AFF3: variants seen among roughly 807,000 people sequenced by gnomAD.
The protein encoded by AFF3 is ALF transcription elongation factor 3.
AFF3 carries 32 observed loss-of-function variants against 129.7 expected under a neutral mutation model. The observed-to-expected ratio is 0.25, with a 90% CI of 0.19 to 0.33. The LOEUF (loss-of-function observed/expected upper bound fraction) is 0.33. Among genes scored for constraint, AFF3 ranks in the 10% least tolerant of loss-of-function variants. The pLI, the probability that AFF3 is intolerant of heterozygous loss-of-function variation, is 1.00. For synonymous variants in AFF3, 644 were observed against 635.4 expected, an observed-to-expected ratio of 1.01 and a Z score of -0.20; for missense variants, 1,373 against 1,592.0, an observed-to-expected ratio of 0.86 and a Z score of 2.34.
chr2:100,009,046 C>T (rs1682259751), intron 4 of AFF3, 114 bp from the exon 5 acceptor site: 21 of 1,387,508 alleles, frequency 1.5e-5, no homozygotes, highest in Non-Finnish European at 1.9e-5. Flanking sequence ...GTGATGACAA[C>T]AAGAACATGG....
chr2:99,922,675 A>G (rs1424161422), intron 7 of AFF3, among the ~76,000 whole-genome samples: 2 of 152,214 alleles, frequency 1.3e-5, no homozygotes, highest in African/African-American at 4.8e-5. Context: ...AAATTTAGTA[A>G]CTGAACACTT....
chr2:99,947,347 GC>G (rs1008850997), intron 7 of AFF3, among the ~76,000 whole-genome samples: 1 of 152,096 alleles, frequency 6.6e-6, no homozygotes, highest in Non-Finnish European at 1.5e-5. Context: ...AGAGGCTCAG[GC>G]AGGAGAATCA....
intron 8 of AFF3, among the ~76,000 whole-genome samples, chr2:99,807,890 T>C (rs1430617149): frequency 2.6e-5 from 4 of 152,140 alleles, no homozygotes; most frequent in African/African-American, 9.7e-5. Flanking sequence ...CTCACTCTGT[T>C]CCTGAATACA....
At chr2:99,921,529 T>C (rs937185168) in intron 7 of AFF3, among the ~76,000 whole-genome samples, 3 of 152,156 alleles carry the variant, frequency 2.0e-5, no homozygotes, top group Non-Finnish European at 4.4e-5. Context: ...AACTGTACCA[T>C]GGTCATGTAA....
chr2:99,639,058 T>C (rs1287264822), intron 13 of AFF3, among the ~76,000 whole-genome samples: 1 of 152,190 alleles, frequency 6.6e-6, no homozygotes, highest in Admixed American at 6.5e-5. Context: ...GAGTCTGTAT[T>C]AGTCCTCAGG....
chr2:99,576,030 T>A (rs1676953636), intron 18 of AFF3, among the ~76,000 whole-genome samples: 1 of 149,472 alleles, frequency 6.7e-6, no homozygotes, highest in Non-Finnish European at 1.5e-5. Flanking sequence ...GACAACATAG[T>A]GAGACATGAT....
chr2:99,812,771 C>G (rs1298977019), intron 8 of AFF3, among the ~76,000 whole-genome samples: 1 of 152,152 alleles, frequency 6.6e-6, no homozygotes, highest in African/African-American at 2.4e-5. Context: ...AAAAGCAGAA[C>G]ATCTAATTAC....
chr2:99,826,716 G>A (rs573737550), intron 8 of AFF3, among the ~76,000 whole-genome samples: 2 of 152,218 alleles, frequency 1.3e-5, no homozygotes, highest in East Asian at 1.9e-4. Context: ...GCATACGCAC[G>A]GCCACAGCAT....
At chr2:100,055,462 TAAA>T (rs55713850) in intron 4 of AFF3, among the ~76,000 whole-genome samples, 2 of 128,498 alleles carry the variant, frequency 1.6e-5, no homozygotes, top group Admixed American at 7.9e-5. Flanking sequence ...CTAGAAATCT[TAAA>T]AAAAAAAAAA....
At chr2:99,754,340 C>A (rs1575876325) in intron 8 of AFF3, among the ~76,000 whole-genome samples, 1 of 152,342 alleles carries the variant, frequency 6.6e-6, no homozygotes, top group East Asian at 1.9e-4. Flanking sequence ...CCTTTGCAAT[C>A]ACTCTTTCGC....
At chr2:99,842,025 A>G (rs1173095120) in intron 7 of AFF3, among the ~76,000 whole-genome samples, 2 of 152,022 alleles carry the variant, frequency 1.3e-5, no homozygotes, top group Non-Finnish European at 2.9e-5. Flanking sequence ...CGTGTAGACC[A>G]AAGGGGGAAG....
At chr2:99,969,538 G>A (rs1451630786) in intron 7 of AFF3, among the ~76,000 whole-genome samples, 1 of 147,898 alleles carries the variant, frequency 6.8e-6, no homozygotes, top group Non-Finnish European at 1.5e-5. Flanking sequence ...GCCCAGGCTG[G>A]AGTGCAATGG....
chr2:99,608,772 T>C (rs142133671), intron 13 of AFF3, among the ~76,000 whole-genome samples: 3 of 152,312 alleles, frequency 2.0e-5, no homozygotes, highest in Admixed American at 1.3e-4. Flanking sequence ...CAAATCCTTA[T>C]GTTTATATCA....
At chr2:99,904,974 C>T (rs958944221) in intron 7 of AFF3, among the ~76,000 whole-genome samples, 1 of 152,142 alleles carries the variant, frequency 6.6e-6, no homozygotes, top group African/African-American at 2.4e-5. Context: ...ACTCCCCTTT[C>T]CTCCAATCTC....
rs9653461 is a variant in AFF3, at chr2:99,778,897, C to T, written c.922-26596G>A. Among the ~76,000 whole-genome samples, 86 of 43,190 alleles carry T rather than the reference C, an allele frequency of 2.0e-3. 3 individuals are homozygous for T. The highest frequency in any genetic ancestry group is 3.1e-3 in the Non-Finnish European group (32 of 10,244). 28.3% of individuals were successfully genotyped at this position (43,190 alleles called of 152,430 possible). ...GTGTGTGTGTGTGTGTGTGTGTGCG[C>T]GTGTGTGTGTGTGTGTGTGTGTGTG... On this transcript the variant is annotated intron_variant, in intron 8 of 24. Transcript: ENST00000672756.
At position 100,036,164 on chromosome 2, in the gene AFF3, C is replaced by CT. The variant is rs1190391826; in HGVS notation, c.54-27233dup. Among the ~76,000 whole-genome samples, 226 of 122,900 alleles carry CT rather than the reference C, an allele frequency of 1.8e-3. 1 individual carries two copies. Among genetic ancestry groups the CT allele is most frequent in the South Asian group, 9.4e-3 (34 of 3,614 alleles). The allele number at this position is 122,900 out of a possible 152,430, so 80.6% of individuals were successfully genotyped here. ...AAAAAAAAAAAAAAAAAAAAAACAA[C>CT]TTTCTCAAAGTCTTTCCTGGCAACA... On this transcript the variant is annotated intron_variant, in intron 4 of 24. Coordinates refer to ENST00000672756, the MANE Select transcript of AFF3 (RefSeq NM_001386135.1).
intron 16 of AFF3, among the ~76,000 whole-genome samples, chr2:99,583,750 T>C (rs947098286): frequency 1.3e-5 from 2 of 152,056 alleles, no homozygotes; most frequent in South Asian, 2.1e-4. Context: ...TGGAGTGCAA[T>C]GGCACAATCT....
intron 7 of AFF3, among the ~76,000 whole-genome samples, chr2:99,921,527 C>A (rs1695856196): frequency 6.6e-6 from 1 of 152,060 alleles, no homozygotes; most frequent in African/African-American, 2.4e-5. Context: ...ATAACTGTAC[C>A]ATGGTCATGT....
intron 8 of AFF3, among the ~76,000 whole-genome samples, chr2:99,789,150 T>C (rs1685015744): frequency 6.6e-6 from 1 of 152,148 alleles, no homozygotes; most frequent in Admixed American, 6.5e-5. Context: ...TTTTAATAAG[T>C]TGTTGGCCAG....
Sources: gnomAD v4.1 joint callset for allele counts (sites outside exome capture counted in the v4.1 genomes callset) on GRCh38, gnomAD v4.1.1 for gene constraint, MANE v1.5 for transcripts, NCBI Gene and HGNC (gene_info 2026-07-23, HGNC 2026-07-21) for gene names.